The following RAB10 variants were observed in gnomAD, a reference collection of about 807,000 sequenced individuals.
RAB10 encodes the protein RAB10, member RAS oncogene family.
A neutral mutation model predicts 25.7 loss-of-function variants in RAB10; 5 were observed. The observed-to-expected ratio is 0.19, with a 90% confidence interval of 0.10 to 0.41. The LOEUF is 0.41. RAB10 is among the 10% of genes least tolerant of loss of function. RAB10 has a pLI of 1.00. For missense variants in RAB10, 103 were observed against 245.8 expected, an observed-to-expected ratio of 0.42 and a Z score of 3.89; for synonymous variants, 89 against 86.4, an observed-to-expected ratio of 1.03 and a Z score of -0.16.
intron 1 of RAB10, among the ~76,000 whole-genome samples, chr2:26,084,440 A>G (rs1574543876): frequency 6.6e-6 from 1 of 152,188 alleles, no homozygotes. Flanking sequence ...AAAGTGAATG[A>G]TATCGCAATA....
At chr2:26,035,438 G>A (rs565637071) in intron 1 of RAB10, among the ~76,000 whole-genome samples, 34 of 152,294 alleles carry the variant, frequency 2.2e-4, no homozygotes, top group Middle Eastern at 3.4e-3. Flanking sequence ...GTATTTACAG[G>A]AAAGTATTTT....
At chr2:26,123,571 A>C (rs1667847967) in intron 3 of RAB10, among the ~76,000 whole-genome samples, 1 of 152,266 alleles carries the variant, frequency 6.6e-6, no homozygotes, top group African/African-American at 2.4e-5. Flanking sequence ...GGATAAGACA[A>C]GAGCTAATAG....
At chr2:26,049,485 T>G (rs1164050069) in intron 1 of RAB10, among the ~76,000 whole-genome samples, 1 of 151,804 alleles carries the variant, frequency 6.6e-6, no homozygotes, top group Non-Finnish European at 1.5e-5. Flanking sequence ...CTCTGCTCAC[T>G]GCAACCTCCA....
intron 1 of RAB10, among the ~76,000 whole-genome samples, chr2:26,064,535 G>C (rs2149268329): frequency 6.6e-6 from 1 of 151,866 alleles, no homozygotes; most frequent in East Asian, 1.9e-4. Flanking sequence ...GTAGAGATGG[G>C]GTGTACACCA....
chr2:26,129,859 A>G (rs1194237735), intron 5 of RAB10, among the ~76,000 whole-genome samples: 1 of 152,242 alleles, frequency 6.6e-6, no homozygotes, highest in Non-Finnish European at 1.5e-5. Flanking sequence ...CAATTAAAAT[A>G]AGTATAAAAG....
chr2:26,073,120 A>AT (rs999392284), intron 1 of RAB10, among the ~76,000 whole-genome samples: 3 of 152,200 alleles, frequency 2.0e-5, no homozygotes, highest in African/African-American at 7.2e-5. Flanking sequence ...TTTGGTGTGT[A>AT]TTGGTAGTTA....
chr2:26,086,664 T>C (rs1427056200), intron 1 of RAB10, among the ~76,000 whole-genome samples: 1 of 152,180 alleles, frequency 6.6e-6, no homozygotes, highest in African/African-American at 2.4e-5. Context: ...GCTCTATTCA[T>C]AAAAGCCAAA....
chr2:26,124,474 C>G (rs756548646), intron 3 of RAB10, among the ~76,000 whole-genome samples: 2 of 121,936 alleles, frequency 1.6e-5, no homozygotes, highest in Non-Finnish European at 3.2e-5. Flanking sequence ...GATAATAGTT[C>G]ACTCCAGCCT....
intron 3 of RAB10, among the ~76,000 whole-genome samples, chr2:26,122,637 CAA>C (rs917927455): frequency 7.1e-6 from 1 of 141,110 alleles, no homozygotes; most frequent in East Asian, 2.0e-4. Flanking sequence ...AAAAAAAAAA[CAA>C]AAAAAAAGGG....
At chr2:26,104,764 G>A (rs1309306633) in intron 2 of RAB10, among the ~76,000 whole-genome samples, 2 of 147,050 alleles carry the variant, frequency 1.4e-5, no homozygotes, top group Non-Finnish European at 3.0e-5. Flanking sequence ...TTGAGATGGA[G>A]TCTTGCTCTG....
At chr2:26,103,684 C>A (rs923829804) in intron 2 of RAB10, among the ~76,000 whole-genome samples, 8 of 152,100 alleles carry the variant, frequency 5.3e-5, no homozygotes, top group Non-Finnish European at 7.3e-5. Context: ...ACCATCGTTA[C>A]CATTTCAGAA....
chr2:26,106,495 ATTAC>A (rs2149282752), intron 2 of RAB10, among the ~76,000 whole-genome samples: 1 of 152,356 alleles, frequency 6.6e-6, no homozygotes, highest in South Asian at 2.1e-4. Flanking sequence ...GAGCAAGGTT[ATTAC>A]TTCGACATTT....
chr2:26,121,716 AAC>A (rs1021115611), intron 3 of RAB10, among the ~76,000 whole-genome samples: 2 of 152,250 alleles, frequency 1.3e-5, no homozygotes, highest in African/African-American at 4.8e-5. Context: ...TTAACACTCA[AAC>A]ACACAGAGCC....
intron 1 of RAB10, among the ~76,000 whole-genome samples, chr2:26,037,069 C>A (rs1200182883): frequency 6.6e-6 from 1 of 152,112 alleles, no homozygotes; most frequent in Admixed American, 6.5e-5. Flanking sequence ...AGCCACCACG[C>A]CTGGCTGTGT....
At chr2:26,107,682 G>C (rs1667493274) in intron 2 of RAB10, among the ~76,000 whole-genome samples, 8 of 152,042 alleles carry the variant, frequency 5.3e-5, no homozygotes, top group Non-Finnish European at 4.4e-5. Flanking sequence ...TGTGATCCCA[G>C]CTACTTGGGA....
At chr2:26,133,798 C>T (rs941227871) in intron 5 of RAB10, among the ~76,000 whole-genome samples, 3 of 151,664 alleles carry the variant, frequency 2.0e-5, no homozygotes, top group East Asian at 3.9e-4. Context: ...CTCAGCCTCC[C>T]GAGTAGCTGG....
At chr2:26,096,597 C>T (rs1230411718) in intron 1 of RAB10, among the ~76,000 whole-genome samples, 1 of 152,130 alleles carries the variant, frequency 6.6e-6, no homozygotes, top group Non-Finnish European at 1.5e-5. Flanking sequence ...CTTTTGAAAA[C>T]TTGGCTTTTT....
At chr2:26,079,540 C>T (rs751078487) in intron 1 of RAB10, among the ~76,000 whole-genome samples, 19 of 152,130 alleles carry the variant, frequency 1.2e-4, no homozygotes, top group Admixed American at 2.0e-4. Flanking sequence ...AATATTTCCT[C>T]TCTCTGCTGG....
At chr2:26,098,087 CT>C in intron 1 of RAB10, among the ~76,000 whole-genome samples, 1 of 117,472 alleles carries the variant, frequency 8.5e-6, no homozygotes, top group South Asian at 2.9e-4. Flanking sequence ...ACTCTTTCTT[CT>C]TTTTCTTTCT....
Sources: gnomAD v4.1 joint callset for allele counts (sites outside exome capture counted in the v4.1 genomes callset) on GRCh38, gnomAD v4.1.1 for gene constraint, MANE v1.5 for transcripts, NCBI Gene and HGNC (gene_info 2026-07-23, HGNC 2026-07-21) for gene names.